Variants in KNTC1 observed in about 807,000 individuals in gnomAD.
The protein encoded by KNTC1 is kinetochore-associated protein 1.
A neutral mutation model predicts 314.4 loss-of-function variants in KNTC1; 253 were observed. The observed-to-expected ratio is 0.80, with a 90% CI of 0.73 to 0.89. The LOEUF (loss-of-function observed/expected upper bound fraction) is 0.89. KNTC1 is among the 40% of genes least tolerant of loss of function. The pLI is 0.00. For missense variants in KNTC1, 2,475 were observed against 2,572.9 expected, an observed-to-expected ratio of 0.96 and a Z score of 0.82; for synonymous variants, 901 against 901.4, an observed-to-expected ratio of 1.00 and a Z score of 0.01.
chr12:122,597,611 C>A, intron 43 of KNTC1, 120 bp from the exon 44 acceptor site: 1 of 795,094 alleles, frequency 1.3e-6, no homozygotes, highest in Non-Finnish European at 2.1e-6. Context: ...GATTTTGAGA[C>A]TGGACAATGA....
chr12:122,539,599 C>A, intron 4 of KNTC1, 77 bp from the exon 5 acceptor site: 1 of 1,009,700 alleles, frequency 9.9e-7, no homozygotes, highest in South Asian at 1.5e-5. Context: ...ATTGATAACT[C>A]TAGAGTTTAA....
intron 34 of KNTC1, among the ~76,000 whole-genome samples, chr12:122,583,228 G>A (rs755234463): frequency 1.3e-5 from 2 of 150,746 alleles, no homozygotes; most frequent in East Asian, 4.0e-4. Context: ...GGATCGTGGC[G>A]GGTTGCAGTG....
At position 122,590,732 on chromosome 12, in the gene KNTC1, C is replaced by T; in HGVS notation, c.4125C>T (p.Ile1375=). The T allele has an allele frequency of 6.2e-7, 1 of 1,612,646 alleles. No homozygotes were observed. Among genetic ancestry groups the T allele is most frequent in the Non-Finnish European group, 8.5e-7 (1 of 1,179,194 alleles). Residue 1375 remains isoleucine, a synonymous_variant, in exon 41 of 64, where the codon ATC becomes ATT. Transcript: ENST00000333479. ...IDKAWQNYDK[I]LAISLVGSEL... ...AAGCATGGCAGAATTACGACAAAAT[C>T]TTGGTATGTCCTAAGGAAGCACACC...
Position 122,568,310 on chromosome 12 carries a change from A to AT in KNTC1, c.1661dup (p.Leu554PhefsTer23). 1.9e-6 allele frequency: 3 copies of AT among 1,595,938 alleles called. No homozygotes were observed. The highest frequency in any genetic ancestry group is 1.3e-5 in the African/African-American group (1 of 74,568). On this transcript the variant is annotated frameshift_variant, in exon 21 of 64. Coordinates refer to ENST00000333479, the MANE Select transcript of KNTC1 (RefSeq NM_014708.6). LOFTEE classifies it high-confidence loss of function. ...AAATAATGAAGATGATCTTAAAGAT[A>AT]TTTTTTTACAGCTAAAAGAAGGAAA...
At chr12:122,538,657 CAG>C (rs1962044133) in intron 4 of KNTC1, among the ~76,000 whole-genome samples, 1 of 152,074 alleles carries the variant, frequency 6.6e-6, no homozygotes, top group Non-Finnish European at 1.5e-5. Flanking sequence ...CCAGGTCAAA[CAG>C]AAATTTTCCC....
intron 13 of KNTC1, among the ~76,000 whole-genome samples, chr12:122,551,079 T>C (rs1963162218): frequency 1.3e-5 from 2 of 152,164 alleles, no homozygotes; most frequent in African/African-American, 4.8e-5. Flanking sequence ...TTTCCCTTAA[T>C]AGAAAGTAAC....
In KNTC1 at chr12:122,575,644, C is replaced by A; in HGVS notation, c.2484C>A (p.Pro828=). The A allele has an allele frequency of 6.3e-7, 1 of 1,582,334 alleles. No individual in the cohort carries two copies. Among genetic ancestry groups the A allele is most frequent in the Non-Finnish European group, 8.6e-7 (1 of 1,161,246 alleles). Residue 828 remains proline, a splice_region_variant and synonymous_variant, in exon 28 of 64, where the codon CCC becomes CCA. Transcript: ENST00000333479. ...LVKQHLEMDH[P]KVKLLQESYK... ...AACAGCACCTGGAAATGGACCATCC[C>A]AAGTAAGATGACTGTCTACGAAACA...
At chr12:122,590,847 C>A in intron 41 of KNTC1, 112 bp downstream of exon 41, 1 of 1,056,898 alleles carries the variant, frequency 9.5e-7, no homozygotes, top group Non-Finnish European at 1.4e-6. Context: ...AAATGTTGAG[C>A]TAACTCGTGA....
At chr12:122,576,307 G>T (rs1965017453) in intron 29 of KNTC1, among the ~76,000 whole-genome samples, 1 of 152,080 alleles carries the variant, frequency 6.6e-6, no homozygotes, top group South Asian at 2.1e-4. Context: ...GACCTCAGGT[G>T]ATCTGCCTGC....
At chr12:122,527,634 C>T (rs1423364925) in intron 1 of KNTC1, 1 of 152,248 alleles carries the variant, frequency 6.6e-6, no homozygotes, top group Non-Finnish European at 1.5e-5. Context: ...TTGCTGAGTT[C>T]CCCTTCTACC....
chr12:122,618,192 G>A (rs532452491), intron 57 of KNTC1, 151 bp from the exon 58 acceptor site: 8 of 657,854 alleles, frequency 1.2e-5, no homozygotes, highest in Admixed American at 8.0e-5. Context: ...GGCTGGTTTC[G>A]AACTCCTGAC....
In KNTC1 at chr12:122,569,693, A is replaced by G. The variant is rs746731271; in HGVS notation, c.1729A>G (p.Ser577Gly). The G allele has an allele frequency of 6.8e-6, 11 of 1,610,700 alleles. No homozygotes were observed. In the South Asian group the frequency reaches 1.2e-4, roughly 18 times the overall value. The part of the protein sequence containing the change: ...LWLRHRANFE[S>G]RFDVKMLESL... Reference sequence around the variant, plus strand: ...CCTTATAATTTAGGCAAACTTTGAAAGCAGATTTGATGTGAAAATGCTGGA... The same window carrying G: ...CCTTATAATTTAGGCAAACTTTGAAGGCAGATTTGATGTGAAAATGCTGGA... Residue 577 changes from serine (S) to glycine (G), a missense_variant, in exon 22 of 64, where the codon AGC becomes GGC. By Grantham distance (56) the Ser-to-Gly change is moderately conservative. Transcript: ENST00000333479.
rs1008667530 is a variant in KNTC1, at chr12:122,547,859, T to C, written c.933-56T>C. ...TTTTTAATCAATAGATAATATTGTA[T>C]GTTTTTGTTGTGTAAAAGTTTACTT... On this transcript the variant is annotated intron_variant, in intron 11 of 63. Transcript: ENST00000333479. 9 of 1,001,000 alleles carry C rather than the reference T, an allele frequency of 9.0e-6. No individual in the cohort carries two copies. The African/African-American group carries it at 1.5e-4, about 17-fold the overall frequency. The allele number at this position is 1,001,000 out of a possible 1,614,324, so 62.0% of individuals were successfully genotyped here. A position where few individuals can be genotyped will look rare whatever the true frequency, so the allele number is the denominator to read the frequency against.
intron 16 of KNTC1, among the ~76,000 whole-genome samples, chr12:122,552,073 A>G (rs1369471254): frequency 6.6e-6 from 1 of 151,856 alleles, no homozygotes; most frequent in Non-Finnish European, 1.5e-5. Flanking sequence ...ATGCCCGGTT[A>G]ATTTTTGTAT....
chr12:122,539,128 G>C (rs1156581761), intron 4 of KNTC1, among the ~76,000 whole-genome samples: 1 of 152,132 alleles, frequency 6.6e-6, no homozygotes, highest in East Asian at 1.9e-4. Flanking sequence ...GAGACAAATG[G>C]TTAGGTTCTT....
chr12:122,615,214 T>C, intron 56 of KNTC1, 128 bp downstream of exon 56: 1 of 787,724 alleles, frequency 1.3e-6, no homozygotes, highest in Non-Finnish European at 2.0e-6. Flanking sequence ...CTCACTGAGC[T>C]CATGCCAAAC....
rs772446795 is a variant in KNTC1 at position 122,620,605 on chromosome 12, T to C, written c.6276T>C (p.Ile2092=). 5.0e-6 allele frequency: 8 copies of C among 1,613,004 alleles called. No homozygotes were observed. The highest frequency in any genetic ancestry group is 6.8e-6 in the Non-Finnish European group (8 of 1,179,390). The change falls in exon 60 of 64, where the codon ATT becomes ATC. Residue 2092 remains isoleucine, a synonymous_variant. Transcript: ENST00000333479. ...ACTCAGAGAAAAGACACCAGCAAAT[T>C]AAGGTATCGTGCACATGATTCCTCT... The part of the protein sequence containing the change: ...MPHSEKRHQQ[I]KNFLGSCDPQ...
chr12:122,573,281 T>C lies in KNTC1; in HGVS notation c.2279T>C (p.Ile760Thr). 6.2e-7 allele frequency: 1 copy of C among 1,613,236 alleles called. No homozygotes were observed. The highest frequency in any genetic ancestry group is 8.5e-7 in the Non-Finnish European group (1 of 1,179,542). Residue 760 changes from isoleucine to threonine, a missense_variant, in exon 26 of 64, where the codon ATA (isoleucine) becomes ACA (threonine). Ile to Thr is a moderately conservative substitution (Grantham distance 89). Transcript: ENST00000333479. ...GAGGAGGAACTTCTCTTGCTGTACA[T>C]AGAGGTAACTTTTCCTTTACATCTA... ...LQEEELLLLY[I>T]EDLLNRCSSK... is the part of the protein sequence containing the mutation.
chr12:122,586,282 A>G (rs1869284544), intron 37 of KNTC1, among the ~76,000 whole-genome samples: 1 of 152,068 alleles, frequency 6.6e-6, no homozygotes, highest in South Asian at 2.1e-4. Flanking sequence ...GGGTTTCACC[A>G]TGTTGGCCAG....
Sources: gnomAD v4.1 joint callset for allele counts (sites outside exome capture counted in the v4.1 genomes callset) on GRCh38, gnomAD v4.1.1 for gene constraint, MANE v1.5 for transcripts, NCBI Gene and HGNC (gene_info 2026-07-23, HGNC 2026-07-21) for gene names.